The following METTL24 variants were observed in gnomAD, a reference collection of about 807,000 sequenced individuals.
The protein encoded by METTL24 is probable methyltransferase-like protein 24.
METTL24 carries 29 observed loss-of-function variants against 32.7 expected under a neutral mutation model. The observed-to-expected ratio is 0.89, with a 90% CI of 0.66 to 1.21. The LOEUF (loss-of-function observed/expected upper bound fraction) is 1.21, where lower values mean the gene tolerates loss of function less well. Ranked by LOEUF, METTL24 falls within the 50% of genes most tolerant of loss-of-function variation. The pLI is 0.00. For synonymous variants in METTL24, 163 were observed against 179.5 expected, an observed-to-expected ratio of 0.91 and a Z score of 0.73; for missense variants, 439 against 468.1, an observed-to-expected ratio of 0.94 and a Z score of 0.57.
chr6:110,263,994 G>C (rs889762993), intron 4 of METTL24, among the ~76,000 whole-genome samples: 2 of 152,118 alleles, frequency 1.3e-5, no homozygotes, highest in African/African-American at 4.8e-5. Flanking sequence ...AGACTTAAAG[G>C]TTAGACCTAA....
chr6:110,342,163 G>T (rs915147382), intron 1 of METTL24, among the ~76,000 whole-genome samples: 4 of 152,212 alleles, frequency 2.6e-5, no homozygotes, highest in Non-Finnish European at 5.9e-5. Context: ...TAATGCACTA[G>T]GAGGTCAGCA....
In METTL24 at chr6:110,315,943, A is replaced by G. The variant is rs148382172; in HGVS notation, c.418-462T>C. Among the ~76,000 whole-genome samples the G allele has an allele frequency of 2.0e-5, 3 of 152,340 alleles. No homozygotes were observed. In the East Asian group the frequency reaches 5.8e-4, roughly 29 times the overall value. ...TCCCTACTATAAGATGTGAGGCACA[A>G]TGATAGGCATAGATCTCAGAAGCAT... On this transcript the variant is annotated intron_variant, in intron 2 of 4. Coordinates refer to ENST00000338882, the MANE Select transcript of METTL24 (RefSeq NM_001123364.3).
chr6:110,312,039 GC>G (rs1404414561), intron 3 of METTL24, among the ~76,000 whole-genome samples: 14 of 152,090 alleles, frequency 9.2e-5, no homozygotes. Flanking sequence ...CTGTGCAGAA[GC>G]TTTTTGGTTT....
chr6:110,274,735 G>C (rs1369250824), intron 4 of METTL24, among the ~76,000 whole-genome samples: 1 of 149,340 alleles, frequency 6.7e-6, no homozygotes, highest in Non-Finnish European at 1.5e-5. Context: ...AAAAAGTAAA[G>C]GTCCCTCATG....
At chr6:110,263,569 C>T (rs1416409434) in intron 4 of METTL24, among the ~76,000 whole-genome samples, 5 of 152,250 alleles carry the variant, frequency 3.3e-5, no homozygotes, top group East Asian at 1.9e-4. Flanking sequence ...AGATTCAATG[C>T]CATCCCCATC....
At chr6:110,333,321 G>C (rs2114763566) in intron 1 of METTL24, among the ~76,000 whole-genome samples, 1 of 152,220 alleles carries the variant, frequency 6.6e-6, no homozygotes, top group Non-Finnish European at 1.5e-5. Context: ...GGGTGGGGAG[G>C]ACATAAAAGC....
At chr6:110,296,289 A>C (rs17071403) in intron 4 of METTL24, among the ~76,000 whole-genome samples, 2,825 of 152,374 alleles carry the variant, frequency 0.019, 80 homozygotes, top group African/African-American at 0.065. Flanking sequence ...ATATGAGCAG[A>C]AACTTCAGAT....
intron 2 of METTL24, among the ~76,000 whole-genome samples, chr6:110,319,109 T>C (rs560473054): frequency 2.6e-5 from 4 of 152,222 alleles, no homozygotes; most frequent in African/African-American, 4.8e-5. Flanking sequence ...AAGTAGAATC[T>C]GGCAAAGGGA....
intron 4 of METTL24, among the ~76,000 whole-genome samples, chr6:110,295,762 T>C (rs575711904): frequency 1.5e-5 from 2 of 129,950 alleles, no homozygotes; most frequent in Admixed American, 1.5e-4. Context: ...AAATGTCTGA[T>C]ATATTTTCCC....
intron 1 of METTL24, among the ~76,000 whole-genome samples, chr6:110,338,714 T>C (rs1210048877): frequency 1.3e-5 from 2 of 152,244 alleles, no homozygotes; most frequent in Non-Finnish European, 2.9e-5. Context: ...ATAGCAGTTA[T>C]CATAAACTTT....
intron 2 of METTL24, among the ~76,000 whole-genome samples, chr6:110,317,536 G>A (rs1202745888): frequency 6.6e-6 from 1 of 152,116 alleles, no homozygotes; most frequent in Non-Finnish European, 1.5e-5. Flanking sequence ...CAGGGCAGCT[G>A]TGTGTGCCCC....
intron 1 of METTL24, among the ~76,000 whole-genome samples, chr6:110,340,880 AT>A (rs1374373031): frequency 2.6e-5 from 4 of 151,796 alleles, no homozygotes; most frequent in African/African-American, 9.7e-5. Flanking sequence ...CTTCACTTCT[AT>A]TTTTACATTG....
At chr6:110,294,653 T>C (rs1345007546) in intron 4 of METTL24, among the ~76,000 whole-genome samples, 3 of 152,228 alleles carry the variant, frequency 2.0e-5, no homozygotes, top group Middle Eastern at 3.4e-3. Flanking sequence ...AATGCACTGC[T>C]CTTATAAGCT....
chr6:110,319,395 G>GATTCT (rs1254862245), intron 2 of METTL24, among the ~76,000 whole-genome samples: 22 of 149,122 alleles, frequency 1.5e-4, no homozygotes, highest in African/African-American at 5.5e-4. Flanking sequence ...TGATAGATGG[G>GATTCT]TAGATAACTA....
intron 4 of METTL24, among the ~76,000 whole-genome samples, chr6:110,265,335 G>A (rs1770836924): frequency 6.6e-6 from 1 of 152,094 alleles, no homozygotes; most frequent in Admixed American, 6.5e-5. Flanking sequence ...GAAATGTACT[G>A]AGGAAAGCAT....
chr6:110,279,543 C>A (rs1170488020), intron 4 of METTL24, among the ~76,000 whole-genome samples: 1 of 152,072 alleles, frequency 6.6e-6, no homozygotes, highest in African/African-American at 2.4e-5. Context: ...ATATATCCAA[C>A]AATTGGGAAG....
At chr6:110,324,851 C>T (rs534565486) in intron 1 of METTL24, among the ~76,000 whole-genome samples, 90 of 152,334 alleles carry the variant, frequency 5.9e-4, no homozygotes, top group Admixed American at 9.8e-4. Context: ...CACTCTGTGC[C>T]AGGCACTGGT....
At chr6:110,339,571 A>C (rs573069793) in intron 1 of METTL24, among the ~76,000 whole-genome samples, 3 of 152,304 alleles carry the variant, frequency 2.0e-5, no homozygotes, top group Non-Finnish European at 4.4e-5. Flanking sequence ...AAGAAACCAA[A>C]ACTGGGAAGG....
intron 3 of METTL24, among the ~76,000 whole-genome samples, chr6:110,308,733 T>C (rs1041483343): frequency 1.3e-5 from 2 of 152,178 alleles, no homozygotes; most frequent in African/African-American, 2.4e-5. Context: ...GATGTAACCA[T>C]ACCAAAATTC....
Sources: allele counts gnomAD v4.1 joint callset (sites outside exome capture counted in the v4.1 genomes callset), GRCh38; gene constraint gnomAD v4.1.1; transcripts MANE v1.5; gene names NCBI Gene and HGNC (gene_info 2026-07-23, HGNC 2026-07-21).